The following LIMD1 variants were observed in gnomAD, a reference collection of about 807,000 sequenced individuals.
LIMD1 encodes the protein LIM domain-containing protein 1.
Under a neutral mutation model 58.4 loss-of-function variants are expected in LIMD1, and 23 were observed. The observed-to-expected ratio is 0.39, with a 90% CI of 0.28 to 0.56. The LOEUF (loss-of-function observed/expected upper bound fraction) is 0.56. Ranked by LOEUF, LIMD1 falls within the 20% of genes least tolerant of loss-of-function variation. The pLI, the probability that LIMD1 is intolerant of heterozygous loss-of-function variation, is 0.57. For missense variants in LIMD1, 838 were observed against 855.5 expected, an observed-to-expected ratio of 0.98 and a Z score of 0.25; for synonymous variants, 334 against 345.5, an observed-to-expected ratio of 0.97 and a Z score of 0.37.
At chr3:45,654,812 C>CAAAAAAAAAAA (rs1227980901) in intron 2 of LIMD1, among the ~76,000 whole-genome samples, 3 of 56,508 alleles carry the variant, frequency 5.3e-5, no homozygotes, top group African/African-American at 1.7e-4. Flanking sequence ...GACCCTGTCT[C>CAAAAAAAAAAA]AAAAAAAAAA....
chr3:45,646,691 C>CTTTT (rs565278104), intron 2 of LIMD1, among the ~76,000 whole-genome samples: 1 of 135,514 alleles, frequency 7.4e-6, no homozygotes, highest in African/African-American at 2.7e-5. Flanking sequence ...GTTCCTAAAT[C>CTTTT]TTTTTTTTTT....
In LIMD1 at chr3:45,595,386, G is replaced by C; in HGVS notation, c.507G>C (p.Glu169Asp). 1 of 1,613,918 alleles carries C rather than the reference G, an allele frequency of 6.2e-7. No homozygotes were observed. Among genetic ancestry groups the C allele is most frequent in the Non-Finnish European group, 8.5e-7 (1 of 1,180,044 alleles). ...MSAFHQPGPC[E>D]DPSCLTHGDY... is the part of the protein sequence containing the mutation. ...CTTTCCACCAGCCAGGCCCCTGTGAGGATCCTTCCTGCCTCACTCATGGAG... is the reference window on the plus strand; with the variant it reads ...CTTTCCACCAGCCAGGCCCCTGTGACGATCCTTCCTGCCTCACTCATGGAG... The change falls in exon 1 of 8, where the codon GAG becomes GAC. Residue 169 changes from glutamate to aspartate, a missense_variant. Transcript: ENST00000273317.
At chr3:45,613,366 T>C (rs1048947793) in intron 1 of LIMD1, among the ~76,000 whole-genome samples, 1 of 152,254 alleles carries the variant, frequency 6.6e-6, no homozygotes, top group Non-Finnish European at 1.5e-5. Context: ...GGTTCAGTAT[T>C]GACTGATTCA....
intron 5 of LIMD1, 71 bp downstream of exon 5, chr3:45,672,891 A>G: frequency 1.9e-6 from 3 of 1,567,364 alleles, no homozygotes; most frequent in Non-Finnish European, 2.6e-6. Context: ...TGAGTGGTGG[A>G]AACCGACAAA....
rs762576401 is a variant in LIMD1 at position 45,595,496 on chromosome 3, G to C, written c.617G>C (p.Ser206Thr). Reference protein sequence around the residue: ...VSPSIGLSVGSGWPSSPGSDP... With the variant: ...VSPSIGLSVGTGWPSSPGSDP... ...CCCAGCATCGGCCTGAGTGTAGGGAGTGGGTGGCCTAGCTCCCCGGGGAGT... is the reference window on the plus strand; with the variant it reads ...CCCAGCATCGGCCTGAGTGTAGGGACTGGGTGGCCTAGCTCCCCGGGGAGT... The change falls in exon 1 of 8, where the codon AGT becomes ACT. Residue 206 changes from serine to threonine, a missense_variant. Ser to Thr is a moderately conservative substitution (Grantham distance 58). Around this residue, in one of 3 missense-constraint regions of LIMD1, gnomAD observed 659 missense variants for 639.8 expected, o/e 1.03. Coordinates refer to ENST00000273317, the MANE Select transcript of LIMD1 (RefSeq NM_014240.3). 15 of 1,613,948 alleles carry C rather than the reference G, an allele frequency of 9.3e-6. No homozygotes were observed. In the South Asian group the frequency reaches 1.6e-4, roughly 18 times the overall value.
intron 1 of LIMD1, among the ~76,000 whole-genome samples, chr3:45,623,062 C>G (rs994410251): frequency 1.3e-5 from 2 of 152,228 alleles, no homozygotes; most frequent in African/African-American, 4.8e-5. Flanking sequence ...AGCCCTTTCT[C>G]TACACCTCGG....
At position 45,668,358 on chromosome 3, in the gene LIMD1, T is replaced by C; in HGVS notation, c.1641+2T>C. 6.2e-7 allele frequency: 1 copy of C among 1,611,538 alleles called. No homozygotes were observed. Among genetic ancestry groups the C allele is most frequent in the African/African-American group, 1.3e-5 (1 of 74,926 alleles). ...TGTGGACATCTGATCATGGACATGG[T>C]GAGTAGGTCAGCCAAAGAAGAGAAC... is the stretch of plus-strand genomic sequence containing the variant. On this transcript the variant is annotated splice_donor_variant, in intron 4 of 7. Coordinates refer to ENST00000273317, the MANE Select transcript of LIMD1 (RefSeq NM_014240.3). LOFTEE classifies it high-confidence loss of function.
intron 2 of LIMD1, among the ~76,000 whole-genome samples, chr3:45,648,872 T>C (rs915227232): frequency 1.3e-5 from 2 of 152,246 alleles, no homozygotes; most frequent in Non-Finnish European, 2.9e-5. Flanking sequence ...TGGTATGTCT[T>C]ATTTGGAAAA....
intron 2 of LIMD1, among the ~76,000 whole-genome samples, chr3:45,643,908 A>G (rs1259213568): frequency 1.3e-5 from 2 of 151,602 alleles, no homozygotes; most frequent in Admixed American, 1.3e-4. Context: ...TGCTCGGTGT[A>G]AGATGCACTG....
At chr3:45,628,891 GAAACCAGATAAAGTACAT>G (rs1300531769) in intron 1 of LIMD1, among the ~76,000 whole-genome samples, 6 of 152,198 alleles carry the variant, frequency 3.9e-5, no homozygotes, top group Admixed American at 1.3e-4. Flanking sequence ...TTGAGTGAAA[GAAACCAGATAAAGTACAT>G]AAACCAGATA....
intron 1 of LIMD1, 162 bp from the exon 2 acceptor site, chr3:45,635,986 CAG>C (rs1437697193): frequency 1.7e-5 from 17 of 985,096 alleles, no homozygotes; most frequent in Non-Finnish European, 1.9e-5. Context: ...GAAAGAGTGA[CAG>C]AGGGAGAGGG....
chr3:45,617,557 C>T (rs1701587514), intron 1 of LIMD1, among the ~76,000 whole-genome samples: 1 of 152,230 alleles, frequency 6.6e-6, no homozygotes, highest in African/African-American at 2.4e-5. Flanking sequence ...TGCTCCATTT[C>T]TCCTCCTCCC....
intron 2 of LIMD1, among the ~76,000 whole-genome samples, chr3:45,651,136 T>C (rs935822898): frequency 3.3e-4 from 51 of 152,298 alleles, no homozygotes; most frequent in African/African-American, 1.1e-3. Flanking sequence ...AAATGTCTTC[T>C]TTTGAGAAGT....
intron 2 of LIMD1, among the ~76,000 whole-genome samples, chr3:45,653,907 CAAAAAAAAAAAAAAAAAAAGAAAAA>C (rs1434352470): frequency 8.0e-5 from 6 of 74,884 alleles, no homozygotes; most frequent in Non-Finnish European, 1.0e-4. Context: ...AAGACTGTCT[CAAAAAAAAAAAAAAAAAAAGAAAAA>C]GAAAAAAAAA....
intron 6 of LIMD1, chr3:45,674,048 G>A: frequency 2.7e-6 from 1 of 367,066 alleles, no homozygotes; most frequent in Admixed American, 3.8e-5. Context: ...TAGATTAGCA[G>A]ATGAGGAGAA....
intron 1 of LIMD1, among the ~76,000 whole-genome samples, chr3:45,619,519 C>G (rs964747717): frequency 6.6e-6 from 1 of 152,282 alleles, no homozygotes; most frequent in African/African-American, 2.4e-5. Flanking sequence ...CGTTTTAAGG[C>G]TGGGCATGGT....
At chr3:45,620,938 T>C (rs967300562) in intron 1 of LIMD1, among the ~76,000 whole-genome samples, 1 of 152,232 alleles carries the variant, frequency 6.6e-6, no homozygotes, top group Non-Finnish European at 1.5e-5. Context: ...GTTGACATCA[T>C]GTACACCCAT....
intron 1 of LIMD1, among the ~76,000 whole-genome samples, chr3:45,623,840 C>G (rs1394835443): frequency 1.3e-5 from 2 of 152,160 alleles, no homozygotes; most frequent in African/African-American, 4.8e-5. Context: ...GGCCTTACCC[C>G]CAAAACGGGA....
At chr3:45,598,647 A>G (rs1701379905) in intron 1 of LIMD1, among the ~76,000 whole-genome samples, 1 of 152,202 alleles carries the variant, frequency 6.6e-6, no homozygotes, top group Non-Finnish European at 1.5e-5. Context: ...GTAAATAAGC[A>G]AGTACTAGGG....
Sources: allele counts gnomAD v4.1 joint callset (sites outside exome capture counted in the v4.1 genomes callset), GRCh38; gene constraint gnomAD v4.1.1; regional missense constraint gnomAD v4.1.1; transcripts MANE v1.5; gene names NCBI Gene and HGNC (gene_info 2026-07-23, HGNC 2026-07-21).